The following KCNJ1 variants were observed in gnomAD, a reference collection of about 807,000 sequenced individuals.
KCNJ1 encodes the protein ATP-sensitive inward rectifier potassium channel 1.
KCNJ1 carries 24 observed loss-of-function variants against 21.9 expected under a neutral mutation model. The ratio of observed to expected loss-of-function variants is 1.10; its 90% CI spans 0.79 to 1.54. KCNJ1 has a LOEUF of 1.54. Among genes scored for constraint, KCNJ1 ranks in the 40% most tolerant of loss-of-function variants. The probability of loss-of-function intolerance (pLI) is 0.00; values close to 1 mark genes in which losing one functional copy is unlikely to be tolerated. For synonymous variants in KCNJ1, 152 were observed against 160.9 expected (o/e 0.94, Z 0.42); for missense variants, 457 against 455.4 (o/e 1.00, Z -0.03).
chr11:128,842,810 C>A (rs913832397), intron 2 of KCNJ1, among the ~76,000 whole-genome samples: 1 of 152,196 alleles, frequency 6.6e-6, no homozygotes, highest in South Asian at 2.1e-4. Context: ...GCCGGAAACA[C>A]TTACTTATCA....
In KCNJ1 at chr11:128,839,330, C is replaced by G. The variant is rs1283934138; in HGVS notation, c.914G>C (p.Arg305Pro). ...TGTCTTGGATACTATGGGAGCAAAA[C>G]GGTAGCCCCAAAGCACCTCCTCTGG... Reference protein sequence around the residue: ...YVPEEVLWGYRFAPIVSKTKE... With the variant: ...YVPEEVLWGYPFAPIVSKTKE... Residue 305 changes from arginine to proline, a missense_variant, in exon 3 of 3, where the codon CGT becomes CCT. Coordinates refer to ENST00000392666, the MANE Select transcript of KCNJ1 (RefSeq NM_153766.3). 6.2e-7 allele frequency: 1 copy of G among 1,614,144 alleles called. No homozygotes were observed. Among genetic ancestry groups the G allele is most frequent in the South Asian group, 1.1e-5 (1 of 91,076 alleles).
At chr11:128,854,680 G>A (rs1425640955) in intron 1 of KCNJ1, among the ~76,000 whole-genome samples, 1 of 152,058 alleles carries the variant, frequency 6.6e-6, no homozygotes, top group Non-Finnish European at 1.5e-5. Flanking sequence ...TCAAAGGCAG[G>A]GCTGGATGTT....
intron 2 of KCNJ1, among the ~76,000 whole-genome samples, chr11:128,843,602 T>C (rs572551151): frequency 9.2e-5 from 14 of 152,300 alleles, no homozygotes; most frequent in African/African-American, 3.4e-4. Flanking sequence ...GAGTTCATAG[T>C]CTAATGGGGA....
chr11:128,847,272 C>G (rs561446976), intron 2 of KCNJ1, among the ~76,000 whole-genome samples: 1 of 152,276 alleles, frequency 6.6e-6, no homozygotes, highest in Admixed American at 6.5e-5. Context: ...TTCTCCATAG[C>G]TGCAAAAAGT....
intron 1 of KCNJ1, among the ~76,000 whole-genome samples, chr11:128,864,068 TTC>T (rs1299043428): frequency 9.6e-5 from 14 of 146,304 alleles, no homozygotes; most frequent in Non-Finnish European, 1.6e-4. Flanking sequence ...TTTTTTCTTT[TTC>T]TCTCTTTTTT....
intron 2 of KCNJ1, among the ~76,000 whole-genome samples, chr11:128,844,797 A>AC (rs1308792975): frequency 6.6e-6 from 1 of 152,160 alleles, no homozygotes; most frequent in African/African-American, 2.4e-5. Flanking sequence ...CATGGCTGTT[A>AC]CCGCTTCTGA....
chr11:128,842,644 C>G (rs954054688), intron 2 of KCNJ1: 4 of 851,044 alleles, frequency 4.7e-6, no homozygotes, highest in Non-Finnish European at 6.9e-6. Context: ...TTTCCAACAT[C>G]ACATGGCTTG....
chr11:128,845,797 A>G (rs552733363), intron 2 of KCNJ1, among the ~76,000 whole-genome samples: 5 of 152,184 alleles, frequency 3.3e-5, no homozygotes, highest in African/African-American at 1.2e-4. Context: ...GCACTTCAGG[A>G]ATACCCTACT....
At chr11:128,843,139 G>A (rs964413913) in intron 2 of KCNJ1, among the ~76,000 whole-genome samples, 3 of 152,214 alleles carry the variant, frequency 2.0e-5, no homozygotes, top group African/African-American at 7.2e-5. Context: ...CTTAGAGAAT[G>A]CAATGATACA....
rs139185738 is a variant in KCNJ1, at chr11:128,840,227, C to T, written c.17G>A (p.Arg6Gln). 301 of 1,614,098 alleles carry T rather than the reference C, an allele frequency of 1.9e-4. No homozygotes were observed. The African/African-American group carries it at 2.5e-3, about 14-fold the overall frequency. The change falls in exon 3 of 3, where the codon CGG (arginine) becomes CAG (glutamine). Residue 6 changes from arginine (R) to glutamine (Q), a missense_variant. By Grantham distance (43) the Arg-to-Gln change is conservative. Transcript: ENST00000392666. Reference sequence around the variant, plus strand: ...AAAAAAGCGAGTGACGACCCATTTCCGAAGATGTTTGAACATACTTTCTGT... The same window carrying T: ...AAAAAAGCGAGTGACGACCCATTTCTGAAGATGTTTGAACATACTTTCTGT... MFKHL[R>Q]KWVVTRFFGH...
intron 2 of KCNJ1, among the ~76,000 whole-genome samples, chr11:128,850,094 G>A (rs1185187161): frequency 6.6e-6 from 1 of 152,036 alleles, no homozygotes. Context: ...CAACCATAGA[G>A]GCTGGAGCAG....
chr11:128,846,282 T>C (rs1943377853), intron 2 of KCNJ1, among the ~76,000 whole-genome samples: 1 of 152,180 alleles, frequency 6.6e-6, no homozygotes, highest in Non-Finnish European at 1.5e-5. Flanking sequence ...TAATATACTC[T>C]CAAACATTGT....
At chr11:128,843,516 G>C (rs951702261) in intron 2 of KCNJ1, among the ~76,000 whole-genome samples, 1 of 152,076 alleles carries the variant, frequency 6.6e-6, no homozygotes, top group Non-Finnish European at 1.5e-5. Flanking sequence ...TAGACATTTT[G>C]TGCACTTCCC....
chr11:128,852,256 A>G (rs1047957699), intron 1 of KCNJ1, among the ~76,000 whole-genome samples: 1 of 152,236 alleles, frequency 6.6e-6, no homozygotes, highest in Non-Finnish European at 1.5e-5. Context: ...CCTGCCATGC[A>G]TTGAATGAAA....
intron 2 of KCNJ1, among the ~76,000 whole-genome samples, chr11:128,845,398 G>A (rs1006142013): frequency 6.6e-6 from 1 of 152,218 alleles, no homozygotes; most frequent in Non-Finnish European, 1.5e-5. Flanking sequence ...ACTCAGCTTT[G>A]CTAAGGAAGG....
chr11:128,842,300 G>A (rs892170944), intron 2 of KCNJ1: 12 of 1,458,454 alleles, frequency 8.2e-6, no homozygotes, highest in East Asian at 2.3e-5. Flanking sequence ...CTTGAATAAC[G>A]TTGAGTTTCC....
intron 2 of KCNJ1, among the ~76,000 whole-genome samples, chr11:128,848,172 C>A (rs1334127044): frequency 6.6e-6 from 1 of 151,560 alleles, no homozygotes; most frequent in Non-Finnish European, 1.5e-5. Context: ...CCTGTAGTTC[C>A]AGCTACTCAG....
At position 128,840,169 on chromosome 11, in the gene KCNJ1, G is replaced by T; in HGVS notation, c.75C>A (p.Ser25=). 6.2e-7 allele frequency: 1 copy of T among 1,614,112 alleles called. No individual in the cohort carries two copies. The highest frequency in any genetic ancestry group is 8.5e-7 in the Non-Finnish European group (1 of 1,180,022). ...GHSRQRARLV[S]KDGRCNIEFG... ...ATTCTATGTTGCACCTTCCATCTTTGGAGACTAGCCTTGCTCTTTGCCGAG... is the reference window on the plus strand; with the variant it reads ...ATTCTATGTTGCACCTTCCATCTTTTGAGACTAGCCTTGCTCTTTGCCGAG... Residue 25 remains serine (S), a synonymous_variant, in exon 3 of 3, where the codon TCC becomes TCA. Transcript: ENST00000392666.
At position 128,839,626 on chromosome 11, in the gene KCNJ1, G is replaced by A. The variant is rs151137965; in HGVS notation, c.618C>T (p.His206=). 127 of 1,613,772 alleles carry A rather than the reference G, an allele frequency of 7.9e-5. 1 individual carries two copies. Among genetic ancestry groups the A allele is most frequent in the Non-Finnish European group, 1.0e-4 (120 of 1,180,028 alleles). Residue 206 remains histidine, a synonymous_variant, in exon 3 of 3, where the codon CAC becomes CAT. Transcript: ENST00000392666. The part of the protein sequence containing the change: ...NLRKSLLIGS[H]IYGKLLKTTV... The stretch of plus-strand genomic sequence containing the variant: ...TGGTCTTCAGAAGCTTTCCATAAAT[G>A]TGACTGCCAATAAGAAGGCTCTTCC...
Sources: allele counts gnomAD v4.1 joint callset (sites outside exome capture counted in the v4.1 genomes callset), GRCh38; gene constraint gnomAD v4.1.1; transcripts MANE v1.5; gene names NCBI Gene and HGNC (gene_info 2026-07-23, HGNC 2026-07-21).